Variants in RSPO2 observed in about 807,000 individuals in gnomAD.
The protein encoded by RSPO2 is R-spondin 2.
RSPO2 carries 14 observed loss-of-function variants against 30.9 expected under a neutral mutation model. The observed-to-expected ratio is 0.45, with a 90% CI of 0.30 to 0.71. RSPO2 has a LOEUF of 0.71. RSPO2 is among the 30% of genes least tolerant of loss of function. The probability of loss-of-function intolerance (pLI) is 0.08; values close to 1 mark genes in which losing one functional copy is unlikely to be tolerated. For synonymous variants in RSPO2, 107 were observed against 96.4 expected, an observed-to-expected ratio of 1.11 and a Z score of -0.64; for missense variants, 264 against 301.9, an observed-to-expected ratio of 0.87 and a Z score of 0.93.
chr8:107,974,295 T>C (rs1442832537), intron 3 of RSPO2, among the ~76,000 whole-genome samples: 2 of 143,884 alleles, frequency 1.4e-5, no homozygotes, highest in Admixed American at 7.1e-5. Flanking sequence ...GAGACCAGCC[T>C]GGGCTATGTG....
At chr8:108,077,964 G>A (rs1813064920) in intron 2 of RSPO2, among the ~76,000 whole-genome samples, 1 of 152,108 alleles carries the variant, frequency 6.6e-6, no homozygotes, top group African/African-American at 2.4e-5. Context: ...GATGGATAAG[G>A]ATACGTATTT....
intron 5 of RSPO2, among the ~76,000 whole-genome samples, chr8:107,957,690 C>T (rs1813472761): frequency 1.3e-5 from 2 of 152,098 alleles, no homozygotes. Flanking sequence ...CTCCATAAAC[C>T]TTTCTAATCT....
intron 5 of RSPO2, among the ~76,000 whole-genome samples, chr8:107,952,289 G>GCACACACACACA (rs60942015): frequency 1.3e-5 from 2 of 149,028 alleles, no homozygotes; most frequent in African/African-American, 2.5e-5. Context: ...ACACACACAT[G>GCACACACACACA]CACACACACA....
chr8:107,926,214 T>C, intron 5 of RSPO2, among the ~76,000 whole-genome samples: 1 of 152,246 alleles, frequency 6.6e-6, no homozygotes, highest in East Asian at 1.9e-4. Context: ...TTTTGAGAAG[T>C]GTCTGTTCAT....
chr8:107,939,110 A>T (rs1812805482), intron 5 of RSPO2, among the ~76,000 whole-genome samples: 2 of 152,152 alleles, frequency 1.3e-5, no homozygotes, highest in Admixed American at 1.3e-4. Flanking sequence ...TATGAGCAAA[A>T]ATAAGATAAT....
chr8:107,956,726 G>GA (rs1813446134), intron 5 of RSPO2, among the ~76,000 whole-genome samples: 2 of 152,246 alleles, frequency 1.3e-5, no homozygotes, highest in African/African-American at 4.8e-5. Context: ...AGGAATGGGG[G>GA]AGGGGCTAGT....
intron 5 of RSPO2, among the ~76,000 whole-genome samples, chr8:107,949,288 G>A (rs1813167325): frequency 6.6e-6 from 1 of 152,018 alleles, no homozygotes; most frequent in Non-Finnish European, 1.5e-5. Context: ...ACTTCACTTG[G>A]AATAATGGTC....
intron 2 of RSPO2, among the ~76,000 whole-genome samples, chr8:108,058,026 G>C (rs1264485573): frequency 6.6e-6 from 1 of 152,098 alleles, no homozygotes; most frequent in African/African-American, 2.4e-5. Flanking sequence ...AATAGGAGTG[G>C]TGAGAGAGGG....
chr8:107,904,209 G>GCA (rs933539796), intron 5 of RSPO2, among the ~76,000 whole-genome samples: 1 of 151,950 alleles, frequency 6.6e-6, no homozygotes, highest in African/African-American at 2.4e-5. Context: ...TTCAATTGCT[G>GCA]CACATTCCCA....
Position 107,901,025 on chromosome 8 carries a change from T to C in RSPO2, c.*50A>G. The C allele has an allele frequency of 6.2e-7, 1 of 1,601,550 alleles. No individual in the cohort carries two copies. The highest frequency in any genetic ancestry group is 8.5e-7 in the Non-Finnish European group (1 of 1,172,476). ...TGTGCAGGAGTGGAGAGTAGCTTTG[T>C]GCACATTTGCAAAAACAAAAACCCC... On this transcript the variant is annotated 3_prime_UTR_variant, in exon 6 of 6. Coordinates refer to ENST00000276659, the MANE Select transcript of RSPO2 (RefSeq NM_178565.5).
At chr8:108,050,874 G>A (rs1812060072) in intron 2 of RSPO2, among the ~76,000 whole-genome samples, 1 of 152,102 alleles carries the variant, frequency 6.6e-6, no homozygotes, top group Admixed American at 6.5e-5. Context: ...TGGGTTGGGG[G>A]GAAATGTTGC....
chr8:107,899,348 C>A lies in RSPO2; in HGVS notation c.*1727G>T, dbSNP rs1435180349. The A allele has an allele frequency of 3.9e-5, 6 of 152,638 alleles. No homozygotes were observed. In the East Asian group the frequency reaches 1.2e-3, roughly 29 times the overall value. 9.5% of individuals were successfully genotyped at this position (152,638 alleles called of 1,614,324 possible). On this transcript the variant is annotated 3_prime_UTR_variant, in exon 6 of 6. Transcript: ENST00000276659. Reference sequence around the variant, plus strand: ...GAAGTTTTTAATGCACAAAAAAGAACATCCCAGGAACAACAGGTATTGACT... The same window carrying A: ...GAAGTTTTTAATGCACAAAAAAGAAAATCCCAGGAACAACAGGTATTGACT...
intron 2 of RSPO2, among the ~76,000 whole-genome samples, chr8:108,039,804 C>A (rs1218312502): frequency 6.6e-6 from 1 of 152,008 alleles, no homozygotes; most frequent in East Asian, 1.9e-4. Context: ...TAAGACCTAA[C>A]CCCGAATGTG....
At chr8:107,999,854 C>G (rs1001255010) in intron 2 of RSPO2, among the ~76,000 whole-genome samples, 1 of 152,084 alleles carries the variant, frequency 6.6e-6, no homozygotes, top group African/African-American at 2.4e-5. Flanking sequence ...AACTATTAGC[C>G]CTTAAATACT....
At chr8:108,003,646 A>G (rs1268002081) in intron 2 of RSPO2, among the ~76,000 whole-genome samples, 1 of 152,132 alleles carries the variant, frequency 6.6e-6, no homozygotes, top group Admixed American at 6.5e-5. Flanking sequence ...AGAAATTAAA[A>G]AACAGCAAAG....
At chr8:108,057,055 C>CAAAAAAAAAAAAAAAAAAAAAAAAA (rs56727719) in intron 2 of RSPO2, among the ~76,000 whole-genome samples, 6 of 36,082 alleles carry the variant, frequency 1.7e-4, no homozygotes, top group Non-Finnish European at 2.0e-4. Context: ...GACTCTGTCT[C>CAAAAAAAAAAAAAAAAAAAAAAAAA]AAAAAAAAAA....
In RSPO2 at chr8:107,899,388, C is replaced by T. The variant is rs1811369240; in HGVS notation, c.*1687G>A. 6.6e-6 allele frequency: 1 copy of T among 152,452 alleles called. No homozygotes were observed. The highest frequency in any genetic ancestry group is 1.5e-5 in the Non-Finnish European group (1 of 67,994). 9.4% of individuals were successfully genotyped at this position (152,452 alleles called of 1,614,324 possible). A position where few individuals can be genotyped will look rare whatever the true frequency, so the allele number is the denominator to read the frequency against. On this transcript the variant is annotated 3_prime_UTR_variant, in exon 6 of 6. Transcript: ENST00000276659. ...AGGTATTGACTTATTAACGATGAAGCACTATATAAGGAGACCCCCTCCCCA... is the reference window on the plus strand; with the variant it reads ...AGGTATTGACTTATTAACGATGAAGTACTATATAAGGAGACCCCCTCCCCA...
chr8:108,054,553 T>C (rs1213247716), intron 2 of RSPO2, among the ~76,000 whole-genome samples: 2 of 152,110 alleles, frequency 1.3e-5, no homozygotes, highest in Admixed American at 6.5e-5. Flanking sequence ...GGAAACATAG[T>C]CTAGCGACAG....
At chr8:108,007,737 A>T (rs1451530000) in intron 2 of RSPO2, among the ~76,000 whole-genome samples, 1 of 152,134 alleles carries the variant, frequency 6.6e-6, no homozygotes, top group Non-Finnish European at 1.5e-5. Flanking sequence ...TGGCAGAAGG[A>T]GAAAATAGCC....
Sources: allele counts gnomAD v4.1 joint callset (sites outside exome capture counted in the v4.1 genomes callset), GRCh38; gene constraint gnomAD v4.1.1; transcripts MANE v1.5; gene names NCBI Gene and HGNC (gene_info 2026-07-23, HGNC 2026-07-21).